The following SPRYD7 variants were observed in gnomAD, a reference collection of about 807,000 sequenced individuals.
SPRYD7 encodes the protein SPRY domain-containing protein 7.
SPRYD7 carries 14 observed loss-of-function variants against 23.8 expected under a neutral mutation model. That is an observed-to-expected ratio of 0.59 (90% CI 0.39 to 0.92). The LOEUF (loss-of-function observed/expected upper bound fraction) is 0.92, where lower values mean the gene tolerates loss of function less well. Ranked by LOEUF, SPRYD7 falls within the 40% of genes least tolerant of loss-of-function variation. The pLI is 0.00. For synonymous variants in SPRYD7, 75 were observed against 84.9 expected (o/e 0.88, Z 0.64); for missense variants, 194 against 241.7 (o/e 0.80, Z 1.31).
At chr13:49,935,023 T>C (rs1566409611) in intron 1 of SPRYD7, among the ~76,000 whole-genome samples, 1 of 152,258 alleles carries the variant, frequency 6.6e-6, no homozygotes, top group Non-Finnish European at 1.5e-5. Flanking sequence ...AGATTACTTA[T>C]GTATTAAGGT....
At chr13:49,934,994 TG>T in intron 1 of SPRYD7, among the ~76,000 whole-genome samples, 1 of 152,330 alleles carries the variant, frequency 6.6e-6, no homozygotes, top group Non-Finnish European at 1.5e-5. Flanking sequence ...TAAATAATGA[TG>T]GATAAAAAAT....
chr13:49,930,538 G>A (rs1254992919), intron 2 of SPRYD7, among the ~76,000 whole-genome samples: 19 of 151,250 alleles, frequency 1.3e-4, no homozygotes, highest in African/African-American at 3.9e-4. Flanking sequence ...TCAAGACCGC[G>A]CCACTGCACT....
Position 49,915,162 on chromosome 13 carries a change from T to A in SPRYD7, c.494-2A>T. On this transcript the variant is annotated splice_acceptor_variant, in intron 4 of 4. Transcript: ENST00000361840. LOFTEE classifies it high-confidence loss of function. ...AATCCAAAATTGCACTGTCATCAAC[T>A]AAAGGATACAAAAAGAAAGAAAATA... 1 of 1,462,536 alleles carries A rather than the reference T, an allele frequency of 6.8e-7. No homozygotes were observed. Among genetic ancestry groups the A allele is most frequent in the Non-Finnish European group, 9.4e-7 (1 of 1,069,140 alleles). The allele number at this position is 1,462,536 out of a possible 1,614,324, so 90.6% of individuals were successfully genotyped here. A position where few individuals can be genotyped will look rare whatever the true frequency, so the allele number is the denominator to read the frequency against.
chr13:49,935,894 A>G lies in SPRYD7; in HGVS notation c.106+236T>C. On this transcript the variant is annotated intron_variant, in intron 1 of 4. Coordinates refer to ENST00000361840, the MANE Select transcript of SPRYD7 (RefSeq NM_020456.4). The stretch of plus-strand genomic sequence containing the variant: ...CCTCCGAGATTCCTGTGAAAATGGG[A>G]GGTCCACACGCCCATTCGCGATGAC... 9.1e-6 allele frequency: 3 copies of G among 330,296 alleles called. No individual in the cohort carries two copies. In the East Asian group the frequency reaches 1.4e-4, roughly 15 times the overall value. The allele number at this position is 330,296 out of a possible 1,614,324, so 20.5% of individuals were successfully genotyped here.
chr13:49,924,541 A>G (rs1955857324), intron 3 of SPRYD7, among the ~76,000 whole-genome samples: 1 of 152,044 alleles, frequency 6.6e-6, no homozygotes, highest in Non-Finnish European at 1.5e-5. Context: ...TCCTGAGCTC[A>G]AGGGATCCTT....
intron 4 of SPRYD7, among the ~76,000 whole-genome samples, chr13:49,920,649 C>T (rs1207920185): frequency 6.6e-6 from 1 of 152,000 alleles, no homozygotes; most frequent in African/African-American, 2.4e-5. Flanking sequence ...AATATCCTAC[C>T]GACTACAATC....
chr13:49,930,597 A>C (rs916326829), intron 2 of SPRYD7, among the ~76,000 whole-genome samples: 1 of 152,150 alleles, frequency 6.6e-6, no homozygotes, highest in Non-Finnish European at 1.5e-5. Context: ...GAAAAAAAAA[A>C]AGAAAAACTC....
intron 4 of SPRYD7, 59 bp from the exon 5 acceptor site, chr13:49,915,219 T>C: frequency 1.4e-6 from 1 of 709,164 alleles, no homozygotes; most frequent in Non-Finnish European, 2.3e-6. Flanking sequence ...TTTCAATGAA[T>C]ACATAATTAT....
chr13:49,919,726 CAA>C (rs1303310878), intron 4 of SPRYD7, among the ~76,000 whole-genome samples: 472 of 73,082 alleles, frequency 6.5e-3, no homozygotes, highest in African/African-American at 0.012. Flanking sequence ...GACTCTGTCT[CAA>C]AAAAAAAAAA....
intron 2 of SPRYD7, among the ~76,000 whole-genome samples, chr13:49,930,208 A>G (rs1955931592): frequency 6.6e-6 from 1 of 152,202 alleles, no homozygotes; most frequent in South Asian, 2.1e-4. Flanking sequence ...TAAATTTTAA[A>G]AAGAGAAATA....
chr13:49,925,154 A>G (rs958755145), intron 3 of SPRYD7, among the ~76,000 whole-genome samples: 4 of 151,786 alleles, frequency 2.6e-5, no homozygotes, highest in Non-Finnish European at 5.9e-5. Context: ...TCACTTTGGG[A>G]GGCCAAGGTG....
chr13:49,926,966 A>G (rs1160856631), intron 3 of SPRYD7, among the ~76,000 whole-genome samples: 2 of 152,150 alleles, frequency 1.3e-5, no homozygotes, highest in Admixed American at 6.6e-5. Flanking sequence ...TACATTTTCA[A>G]TGTGCTAGCT....
At position 49,921,478 on chromosome 13, in the gene SPRYD7, CA is replaced by C; in HGVS notation, c.492del (p.Tyr164Ter). 6.3e-7 allele frequency: 1 copy of C among 1,599,914 alleles called. No individual in the cohort carries two copies. The highest frequency in any genetic ancestry group is 8.6e-7 in the Non-Finnish European group (1 of 1,167,548). Reference sequence around the variant, plus strand: ...ATACATTAGAAATATTTTTGCTTACCATAAACAACTGGATACACTGTCCCTC... The same window carrying C: ...ATACATTAGAAATATTTTTGCTTACCTAAACAACTGGATACACTGTCCCTC... ...GIRGTVYPVV[Y>X]VDDSAILDCQ... On this transcript the variant is annotated frameshift_variant and splice_region_variant, in exon 4 of 5. Coordinates refer to ENST00000361840, the MANE Select transcript of SPRYD7 (RefSeq NM_020456.4). LOFTEE classifies it high-confidence loss of function.
At position 49,936,054 on chromosome 13, in the gene SPRYD7, C is replaced by T. The variant is rs1187417458; in HGVS notation, c.106+76G>A. ...CGCGGCGGGGCAGCGTGGGGACCCT[C>T]TGACCCTGAAGGTCCCCCTGCCCGC... On this transcript the variant is annotated intron_variant, in intron 1 of 4. Coordinates refer to ENST00000361840, the MANE Select transcript of SPRYD7 (RefSeq NM_020456.4). 4.8e-6 allele frequency: 5 copies of T among 1,043,864 alleles called. No homozygotes were observed. The East Asian group carries it at 1.6e-4, about 33-fold the overall frequency. The allele number at this position is 1,043,864 out of a possible 1,614,324, so 64.7% of individuals were successfully genotyped here.
chr13:49,930,608 A>G (rs1955937268), intron 2 of SPRYD7, among the ~76,000 whole-genome samples: 1 of 152,196 alleles, frequency 6.6e-6, no homozygotes, highest in African/African-American at 2.4e-5. Context: ...AGAAAAACTC[A>G]GAATCAACAG....
intron 3 of SPRYD7, among the ~76,000 whole-genome samples, chr13:49,924,992 A>G (rs1955864353): frequency 1.6e-5 from 2 of 126,536 alleles, no homozygotes. Context: ...AAAAAAATAA[A>G]TAAATAATAA....
chr13:49,934,555 CAAAAAAAAAA>C (rs889803067), intron 1 of SPRYD7, among the ~76,000 whole-genome samples: 198 of 54,390 alleles, frequency 3.6e-3, no homozygotes, highest in African/African-American at 0.012. Flanking sequence ...AACTCCGTCT[CAAAAAAAAAA>C]AAAAAAAAAA....
Position 49,929,044 on chromosome 13 carries a change from C to T in SPRYD7, c.224-959G>A, listed in dbSNP as rs568312070. On this transcript the variant is annotated intron_variant, in intron 2 of 4. Transcript: ENST00000361840. ...GAGATGGGGTTGTGCTATGTTTGCCCAGGCTGGTCTCAAACTCCTGGCCTT... is the reference window on the plus strand; with the variant it reads ...GAGATGGGGTTGTGCTATGTTTGCCTAGGCTGGTCTCAAACTCCTGGCCTT... Among the ~76,000 whole-genome samples the T allele has an allele frequency of 1.4e-4, 21 of 152,298 alleles. No individual in the cohort carries two copies. The South Asian group carries it at 3.3e-3, about 24-fold the overall frequency.
chr13:49,922,208 T>C (rs1024932584), intron 3 of SPRYD7, among the ~76,000 whole-genome samples: 6 of 151,684 alleles, frequency 4.0e-5, no homozygotes, highest in African/African-American at 1.4e-4. Flanking sequence ...AAAAACAATG[T>C]AATAAAATTA....
Sources: allele counts gnomAD v4.1 joint callset (sites outside exome capture counted in the v4.1 genomes callset), GRCh38; gene constraint gnomAD v4.1.1; transcripts MANE v1.5; gene names NCBI Gene and HGNC (gene_info 2026-07-23, HGNC 2026-07-21).